Variants in DOK5 observed in about 807,000 individuals in gnomAD.
DOK5 encodes downstream of tyrosine kinase 5.
A neutral mutation model predicts 43.3 loss-of-function variants in DOK5; 27 were observed. The ratio of observed to expected loss-of-function variants is 0.62; its 90% confidence interval spans 0.46 to 0.86. The LOEUF (loss-of-function observed/expected upper bound fraction) is 0.86. Ranked by LOEUF, DOK5 falls within the 40% of genes least tolerant of loss-of-function variation. The pLI is 0.00. For synonymous variants in DOK5, 146 were observed against 140.1 expected (o/e 1.04, Z -0.30); for missense variants, 373 against 392.9 (o/e 0.95, Z 0.43).
chr20:54,635,361 A>C (rs73146076), intron 6 of DOK5, among the ~76,000 whole-genome samples: 12,576 of 152,236 alleles, frequency 0.083, 636 homozygotes, highest in Middle Eastern at 0.14. Context: ...GAATTAACTA[A>C]GAGTCTGGTG....
chr20:54,630,847 A>C (rs1413393053), intron 6 of DOK5, among the ~76,000 whole-genome samples: 2 of 152,244 alleles, frequency 1.3e-5, no homozygotes, highest in African/African-American at 2.4e-5. Flanking sequence ...TGTAATATGC[A>C]AATTAAAATG....
At chr20:54,544,086 A>T (rs979872177) in intron 1 of DOK5, among the ~76,000 whole-genome samples, 5 of 152,212 alleles carry the variant, frequency 3.3e-5, no homozygotes, top group African/African-American at 1.2e-4. Flanking sequence ...GATGCTTTTT[A>T]AGGATTTTTA....
chr20:54,481,865 C>T (rs947069759), intron 1 of DOK5, among the ~76,000 whole-genome samples: 3 of 152,194 alleles, frequency 2.0e-5, no homozygotes, highest in Admixed American at 6.5e-5. Flanking sequence ...TCTTACTACT[C>T]ACCTAATAGA....
At chr20:54,490,737 A>G (rs1007580165) in intron 1 of DOK5, among the ~76,000 whole-genome samples, 2 of 151,448 alleles carry the variant, frequency 1.3e-5, no homozygotes, top group East Asian at 1.9e-4. Flanking sequence ...CTACAGGCGC[A>G]TGCCACCACG....
chr20:54,548,487 T>C (rs1984420333), intron 1 of DOK5, among the ~76,000 whole-genome samples: 1 of 152,066 alleles, frequency 6.6e-6, no homozygotes, highest in Admixed American at 6.6e-5. Flanking sequence ...CTCACCCACC[T>C]GGGCCTCCCA....
intron 1 of DOK5, among the ~76,000 whole-genome samples, chr20:54,520,762 A>G (rs1256836362): frequency 6.6e-6 from 1 of 152,190 alleles, no homozygotes; most frequent in South Asian, 2.1e-4. Context: ...CTCCAGTCTA[A>G]GCAACAAAGC....
In DOK5 at chr20:54,650,484, A is replaced by G; in HGVS notation, c.*5A>G. Reference sequence around the variant, plus strand: ...GCCTACAGATCTGAGCACTGACAGTAACTGCCAAGAATTGTTAACACACTT... The same window carrying G: ...GCCTACAGATCTGAGCACTGACAGTGACTGCCAAGAATTGTTAACACACTT... On this transcript the variant is annotated 3_prime_UTR_variant, in exon 8 of 8. Coordinates refer to ENST00000262593, the MANE Select transcript of DOK5 (RefSeq NM_018431.5). The G allele has an allele frequency of 6.2e-7, 1 of 1,613,848 alleles. No individual in the cohort carries two copies.
chr20:54,624,113 A>G (rs1987068940), intron 6 of DOK5, among the ~76,000 whole-genome samples: 1 of 152,198 alleles, frequency 6.6e-6, no homozygotes, highest in African/African-American at 2.4e-5. Context: ...ATAGCCTAGT[A>G]CTCAGCAGGA....
At chr20:54,524,181 T>G (rs554109024) in intron 1 of DOK5, among the ~76,000 whole-genome samples, 2 of 152,016 alleles carry the variant, frequency 1.3e-5, no homozygotes, top group South Asian at 4.2e-4. Context: ...GGGAGAAAGA[T>G]TGTGCTGGGG....
intron 2 of DOK5, among the ~76,000 whole-genome samples, chr20:54,576,919 G>T (rs1291441095): frequency 6.6e-6 from 1 of 152,192 alleles, no homozygotes; most frequent in East Asian, 1.9e-4. Context: ...TACTTTTAAA[G>T]ATGCAGTTTA....
intron 5 of DOK5, among the ~76,000 whole-genome samples, chr20:54,596,052 C>A (rs1986131496): frequency 6.6e-6 from 1 of 152,110 alleles, no homozygotes; most frequent in Admixed American, 6.6e-5. Flanking sequence ...CATAAGCTTG[C>A]AGGATAGTGT....
At chr20:54,478,571 T>A (rs910487209) in intron 1 of DOK5, among the ~76,000 whole-genome samples, 1 of 152,220 alleles carries the variant, frequency 6.6e-6, no homozygotes, top group Non-Finnish European at 1.5e-5. Context: ...ATCCAGACCA[T>A]GTTTGGGACG....
At chr20:54,634,437 C>CTTTTTTTTTTT (rs11470013) in intron 6 of DOK5, among the ~76,000 whole-genome samples, 7 of 90,406 alleles carry the variant, frequency 7.7e-5, no homozygotes, top group African/African-American at 1.2e-4. Flanking sequence ...TCATATCATG[C>CTTTTTTTTTTT]TTTTTTTTTT....
chr20:54,591,354 A>G (rs964033900), intron 4 of DOK5, among the ~76,000 whole-genome samples: 4 of 152,240 alleles, frequency 2.6e-5, no homozygotes, highest in Non-Finnish European at 5.9e-5. Context: ...AAATTTAAAA[A>G]TTCTAAAAAT....
intron 2 of DOK5, among the ~76,000 whole-genome samples, chr20:54,570,244 G>T (rs1186092795): frequency 6.6e-6 from 1 of 152,080 alleles, no homozygotes; most frequent in Non-Finnish European, 1.5e-5. Flanking sequence ...AAAAATAATT[G>T]TTATAATTTA....
At chr20:54,567,079 G>GTA (rs1449953159) in intron 2 of DOK5, among the ~76,000 whole-genome samples, 1 of 151,912 alleles carries the variant, frequency 6.6e-6, no homozygotes, top group Non-Finnish European at 1.5e-5. Flanking sequence ...GTGTATGTGT[G>GTA]TATATATATG....
At chr20:54,512,153 G>A (rs768630093) in intron 1 of DOK5, among the ~76,000 whole-genome samples, 11 of 152,184 alleles carry the variant, frequency 7.2e-5, no homozygotes, top group Non-Finnish European at 1.6e-4. Flanking sequence ...AATACATAAT[G>A]AGTAGACTCA....
At position 54,589,229 on chromosome 20, in the gene DOK5, C is replaced by T. The variant is rs79768732; in HGVS notation, c.409+423C>T. On this transcript the variant is annotated intron_variant, in intron 4 of 7. Coordinates refer to ENST00000262593, the MANE Select transcript of DOK5 (RefSeq NM_018431.5). ...TAGCTCACTAGTGTTTGATTCTAGA[C>T]GATACCGTTGGACCTATATTACAGT... Among the ~76,000 whole-genome samples the T allele has an allele frequency of 6.5e-3, 985 of 152,306 alleles. 6 individuals carry two copies. Among genetic ancestry groups the T allele is most frequent in the African/African-American group, 0.016 (659 of 41,558 alleles).
chr20:54,634,137 C>T (rs929219450), intron 6 of DOK5, among the ~76,000 whole-genome samples: 6 of 152,286 alleles, frequency 3.9e-5, no homozygotes, highest in South Asian at 2.1e-4. Flanking sequence ...TTTCTTTTCT[C>T]AGTGACAAGC....
Sources: gnomAD v4.1 joint callset for allele counts (sites outside exome capture counted in the v4.1 genomes callset) on GRCh38, gnomAD v4.1.1 for gene constraint, MANE v1.5 for transcripts, NCBI Gene and HGNC (gene_info 2026-07-23, HGNC 2026-07-21) for gene names.